Variants in KLHL18 observed in about 807,000 individuals in gnomAD.
KLHL18 encodes kelch-like protein 18.
Under a neutral mutation model 58.5 loss-of-function variants are expected in KLHL18, and 38 were observed. The ratio of observed to expected loss-of-function variants is 0.65; its 90% CI spans 0.50 to 0.85. The LOEUF (loss-of-function observed/expected upper bound fraction) is 0.85. Among genes scored for constraint, KLHL18 ranks in the 40% least tolerant of loss-of-function variants. KLHL18 has a pLI of 0.00. For synonymous variants in KLHL18, 303 were observed against 301.9 expected, an observed-to-expected ratio of 1.00 and a Z score of -0.04; for missense variants, 624 against 778.4, an observed-to-expected ratio of 0.80 and a Z score of 2.36.
intron 3 of KLHL18, among the ~76,000 whole-genome samples, chr3:47,323,948 A>G (rs867160327): frequency 2.0e-4 from 30 of 152,314 alleles, no homozygotes; most frequent in South Asian, 4.1e-4. Flanking sequence ...CATGGTCATC[A>G]CACTGAGTAC....
intron 3 of KLHL18, among the ~76,000 whole-genome samples, chr3:47,327,111 C>T (rs368849302): frequency 7.9e-5 from 12 of 152,028 alleles, no homozygotes; most frequent in South Asian, 2.1e-4. Context: ...TGGTGGCGCA[C>T]GCCTGTAATC....
At chr3:47,323,762 C>T (rs1703642255) in intron 3 of KLHL18, among the ~76,000 whole-genome samples, 1 of 152,218 alleles carries the variant, frequency 6.6e-6, no homozygotes, top group Non-Finnish European at 1.5e-5. Context: ...CCTGAGCCTA[C>T]TCTGATCACT....
At chr3:47,324,988 C>G (rs1703681004) in intron 3 of KLHL18, among the ~76,000 whole-genome samples, 2 of 152,142 alleles carry the variant, frequency 1.3e-5, no homozygotes, top group African/African-American at 2.4e-5. Context: ...TTTCTGAGAC[C>G]TAAACCTATA....
chr3:47,343,339 A>C (rs1704151358), intron 9 of KLHL18, among the ~76,000 whole-genome samples: 1 of 152,124 alleles, frequency 6.6e-6, no homozygotes, highest in African/African-American at 2.4e-5. Flanking sequence ...TTGTTTCCTT[A>C]GATGCAAACA....
intron 1 of KLHL18, among the ~76,000 whole-genome samples, chr3:47,291,794 A>C (rs1702796250): frequency 6.6e-6 from 1 of 152,254 alleles, no homozygotes; most frequent in East Asian, 1.9e-4. Flanking sequence ...ATGAACCGGA[A>C]GTGAAAAAAA....
chr3:47,299,826 CAAAAAAAAAA>C (rs55695849), intron 1 of KLHL18, among the ~76,000 whole-genome samples: 10 of 43,788 alleles, frequency 2.3e-4, no homozygotes, highest in East Asian at 1.7e-3. Context: ...TACTGTGTCT[CAAAAAAAAAA>C]AAAAAAAAAA....
At chr3:47,339,664 C>T (rs1704064921) in intron 7 of KLHL18, among the ~76,000 whole-genome samples, 1 of 152,148 alleles carries the variant, frequency 6.6e-6, no homozygotes, top group African/African-American at 2.4e-5. Context: ...AACAAACATA[C>T]ATTCAGTGCC....
Position 47,334,953 on chromosome 3 carries a change from A to G in KLHL18, c.898+134A>G, listed in dbSNP as rs1576182235. 13 of 855,956 alleles carry G rather than the reference A, an allele frequency of 1.5e-5. No individual in the cohort carries two copies. Among genetic ancestry groups the G allele is most frequent in the East Asian group, 5.4e-5 (2 of 37,012 alleles). The allele number at this position is 855,956 out of a possible 1,614,324, so 53.0% of individuals were successfully genotyped here. ...CCCTTGCCCCTCTTGATTTTATACA[A>G]TTGCTCTACAGTTAGAGCATGTCAC... On this transcript the variant is annotated intron_variant, in intron 6 of 9. Coordinates refer to ENST00000232766, the MANE Select transcript of KLHL18 (RefSeq NM_025010.5). The surrounding 1 kb of genome is among the most constrained non-coding windows in gnomAD (Gnocchi z 4.7).
intron 1 of KLHL18, among the ~76,000 whole-genome samples, chr3:47,300,287 T>TTTTA (rs1553630130): frequency 1.5e-5 from 2 of 133,136 alleles, no homozygotes; most frequent in African/African-American, 2.7e-5. Flanking sequence ...CACCGGCATT[T>TTTTA]TATATATATA....
At chr3:47,326,958 G>C (rs986408046) in intron 3 of KLHL18, among the ~76,000 whole-genome samples, 1 of 151,844 alleles carries the variant, frequency 6.6e-6, no homozygotes, top group South Asian at 2.1e-4. Context: ...GTGTGTTTTG[G>C]CCGGGCGTGG....
chr3:47,287,037 G>A (rs1702689768), intron 1 of KLHL18, among the ~76,000 whole-genome samples: 1 of 152,170 alleles, frequency 6.6e-6, no homozygotes, highest in South Asian at 2.1e-4. Flanking sequence ...GAGGAAACTG[G>A]TACCTCCAGT....
At chr3:47,294,325 G>T (rs1228095275) in intron 1 of KLHL18, among the ~76,000 whole-genome samples, 1 of 152,196 alleles carries the variant, frequency 6.6e-6, no homozygotes, top group Admixed American at 6.5e-5. Context: ...TGCTGAGGGT[G>T]CAGCAGTGAG....
chr3:47,284,063 T>C (rs1165458978), intron 1 of KLHL18, among the ~76,000 whole-genome samples: 1 of 152,096 alleles, frequency 6.6e-6, no homozygotes, highest in Non-Finnish European at 1.5e-5. Flanking sequence ...GGAGACCCTG[T>C]CTCTACAAAT....
intron 1 of KLHL18, among the ~76,000 whole-genome samples, chr3:47,312,905 A>ATTTTTTTTTTTTTTTTTTT (rs35710141): frequency 8.5e-6 from 1 of 117,874 alleles, no homozygotes. Flanking sequence ...ATACCTTTTA[A>ATTTTTTTTTTTTTTTTTTT]TTTTTTTTTT....
At chr3:47,340,019 A>C (rs1421094164) in intron 7 of KLHL18, among the ~76,000 whole-genome samples, 7 of 152,228 alleles carry the variant, frequency 4.6e-5, no homozygotes, top group Non-Finnish European at 8.8e-5. Context: ...ACTGCACTCT[A>C]GCCTGAGTGA....
intron 1 of KLHL18, among the ~76,000 whole-genome samples, chr3:47,289,387 C>T (rs979286671): frequency 2.0e-5 from 3 of 152,156 alleles, no homozygotes; most frequent in African/African-American, 7.2e-5. Flanking sequence ...AGAATATTTC[C>T]TTGTGTTACC....
intron 7 of KLHL18, 143 bp downstream of exon 7, chr3:47,336,900 C>A (rs917221088): frequency 3.0e-6 from 2 of 671,274 alleles, no homozygotes; most frequent in African/African-American, 3.6e-5. Flanking sequence ...ACTGCCAGTA[C>A]CTCCTGGGAG....
At chr3:47,303,597 A>G (rs1352653696) in intron 1 of KLHL18, among the ~76,000 whole-genome samples, 1 of 152,208 alleles carries the variant, frequency 6.6e-6, no homozygotes, top group Non-Finnish European at 1.5e-5. Flanking sequence ...CTCAGGGCTT[A>G]GCAGCTTTAT....
intron 1 of KLHL18, among the ~76,000 whole-genome samples, chr3:47,316,069 CCTGA>C (rs898507486): frequency 6.6e-6 from 1 of 151,970 alleles, no homozygotes; most frequent in African/African-American, 2.4e-5. Flanking sequence ...AAATCTAACA[CCTGA>C]CTAATAGAAA....
Sources: allele counts gnomAD v4.1 joint callset (sites outside exome capture counted in the v4.1 genomes callset), GRCh38; gene constraint gnomAD v4.1.1; non-coding constraint Gnocchi (gnomAD v3.1); transcripts MANE v1.5; gene names NCBI Gene and HGNC (gene_info 2026-07-23, HGNC 2026-07-21).